Variants in CWF19L2 observed in about 807,000 individuals in gnomAD.
CWF19L2 encodes CWF19-like protein 2.
CWF19L2 carries 98 observed loss-of-function variants against 111.7 expected under a neutral mutation model. The observed-to-expected ratio is 0.88, with a 90% confidence interval of 0.75 to 1.04. CWF19L2 has a LOEUF of 1.04. Among genes scored for constraint, CWF19L2 ranks in the 50% least tolerant of loss-of-function variants. The probability of loss-of-function intolerance (pLI) is 0.00; values close to 1 mark genes in which losing one functional copy is unlikely to be tolerated. For synonymous variants in CWF19L2, 351 were observed against 342.9 expected, an observed-to-expected ratio of 1.02 and a Z score of -0.26; for missense variants, 1,101 against 1,051.4, an observed-to-expected ratio of 1.05 and a Z score of -0.65.
At chr11:107,394,667 A>G (rs565344) in intron 10 of CWF19L2, among the ~76,000 whole-genome samples, 81,760 of 151,868 alleles carry the variant, frequency 0.54, 23,077 homozygotes, top group African/African-American at 0.72. Context: ...CCTGCCTTGT[A>G]TAAGCTTATG....
intron 9 of CWF19L2, 110 bp downstream of exon 9, chr11:107,418,084 A>G: frequency 1.4e-6 from 1 of 728,198 alleles, no homozygotes; most frequent in East Asian, 2.6e-5. Flanking sequence ...AATAACCAAC[A>G]GTTATTTTCA....
chr11:107,429,513 C>T (rs1050666198), intron 7 of CWF19L2, 62 bp from the exon 8 acceptor site: 1 of 1,286,816 alleles, frequency 7.8e-7, no homozygotes, highest in Non-Finnish European at 1.1e-6. Context: ...GACTTGCACC[C>T]CACATGTCAC....
At chr11:107,422,215 C>T (rs1861312121) in intron 8 of CWF19L2, among the ~76,000 whole-genome samples, 1 of 152,032 alleles carries the variant, frequency 6.6e-6, no homozygotes, top group Admixed American at 6.6e-5. Flanking sequence ...CACTTATACA[C>T]AGATTTTTTT....
At chr11:107,361,871 G>C (rs1023042000) in intron 12 of CWF19L2, among the ~76,000 whole-genome samples, 6 of 152,222 alleles carry the variant, frequency 3.9e-5, no homozygotes, top group African/African-American at 1.4e-4. Flanking sequence ...AAGCGTGAGA[G>C]ACGCAGAAGA....
intron 12 of CWF19L2, among the ~76,000 whole-genome samples, chr11:107,361,818 G>T (rs1227971338): frequency 6.6e-6 from 1 of 152,184 alleles, no homozygotes; most frequent in African/African-American, 2.4e-5. Flanking sequence ...GTTGGGGGAG[G>T]AGCCAAGATG....
intron 12 of CWF19L2, among the ~76,000 whole-genome samples, chr11:107,358,343 TAAA>T (rs58922291): frequency 1.5e-4 from 20 of 131,570 alleles, no homozygotes; most frequent in East Asian, 6.5e-4. Context: ...ACTGATGAGC[TAAA>T]AAAAAAAAAA....
chr11:107,360,471 A>T (rs1211845037), intron 12 of CWF19L2, among the ~76,000 whole-genome samples: 1 of 152,124 alleles, frequency 6.6e-6, no homozygotes, highest in African/African-American at 2.4e-5. Context: ...TTTTATAATG[A>T]TTTATTTCCC....
At chr11:107,428,765 TCTTAA>T (rs754546689) in intron 8 of CWF19L2, 29 bp downstream of exon 8, 76 of 1,507,598 alleles carry the variant, frequency 5.0e-5, no homozygotes, top group Admixed American at 2.0e-5. Flanking sequence ...ACTCTCTGGA[TCTTAA>T]CTTATTAGGT....
intron 10 of CWF19L2, among the ~76,000 whole-genome samples, chr11:107,413,614 G>A (rs1309565029): frequency 2.0e-5 from 3 of 152,328 alleles, no homozygotes; most frequent in African/African-American, 7.2e-5. Context: ...AAGTGTGTAA[G>A]ATAGACTTCA....
intron 4 of CWF19L2, 130 bp downstream of exon 4, chr11:107,442,807 GGA>G (rs1565287401): frequency 0.023 from 9,007 of 396,438 alleles, 525 homozygotes; most frequent in Middle Eastern, 0.04. Context: ...AGGGAGGGAG[GGA>G]GGGAGGGAGG....
chr11:107,348,040 C>G (rs1447652402), intron 14 of CWF19L2, among the ~76,000 whole-genome samples: 1 of 151,864 alleles, frequency 6.6e-6, no homozygotes, highest in African/African-American at 2.4e-5. Flanking sequence ...ACTTTCACAT[C>G]AAAAAGACAT....
At position 107,439,035 on chromosome 11, in the gene CWF19L2, G is replaced by GAAAAAA. The variant is rs375132996; in HGVS notation, c.664+49_664+54dup. 836 of 290,626 alleles carry GAAAAAA rather than the reference G, an allele frequency of 2.9e-3. 1 individual carries two copies. The highest frequency in any genetic ancestry group is 4.0e-3 in the Middle Eastern group (4 of 1,002). 18.0% of individuals were successfully genotyped at this position (290,626 alleles called of 1,614,324 possible). On this transcript the variant is annotated intron_variant, in intron 6 of 17. Transcript: ENST00000282251. ...GGCTGACAGAGCGAGACTCTGTCTC[G>GAAAAAA]AAAAAAAAAAAAAAAAAAAAACCCT...
intron 12 of CWF19L2, among the ~76,000 whole-genome samples, chr11:107,372,938 G>C (rs1488889869): frequency 2.5e-5 from 3 of 120,392 alleles, no homozygotes; most frequent in Admixed American, 2.4e-4. Flanking sequence ...GCCGAAGCAG[G>C]GCAAGGCATT....
chr11:107,330,145 T>C (rs571845764), intron 16 of CWF19L2, 126 bp from the exon 17 acceptor site: 141 of 502,398 alleles, frequency 2.8e-4, no homozygotes, highest in Non-Finnish European at 4.2e-4. Flanking sequence ...ATAAAATGAA[T>C]TTCCAGTTCT....
At position 107,361,308 on chromosome 11, in the gene CWF19L2, T is replaced by G. The variant is rs12285417; in HGVS notation, c.1873-7572A>C. Among the ~76,000 whole-genome samples the G allele has an allele frequency of 4.3e-3, 659 of 152,378 alleles. 3 individuals are homozygous for G. The highest frequency in any genetic ancestry group is 0.014 in the African/African-American group (586 of 41,592). Reference sequence around the variant, plus strand: ...AATATTTCCTATTCTGTTCCATTGATCTGGCTGTCTATTGTTTACGTCAGT... The same window carrying G: ...AATATTTCCTATTCTGTTCCATTGAGCTGGCTGTCTATTGTTTACGTCAGT... On this transcript the variant is annotated intron_variant, in intron 12 of 17. Transcript: ENST00000282251.
rs537659436 is a variant in CWF19L2 at position 107,361,540 on chromosome 11, T to A, written c.1873-7804A>T. ...GCTGTTGGTATGTTGATAGAGATTA[T>A]AATCAACCTGTAGATTACTCTGGCC... On this transcript the variant is annotated intron_variant, in intron 12 of 17. Coordinates refer to ENST00000282251, the MANE Select transcript of CWF19L2 (RefSeq NM_152434.3). 1.7e-4 allele frequency among the ~76,000 whole-genome samples: 26 copies of A among 152,332 alleles called. No individual in the cohort carries two copies. The East Asian group carries it at 5.0e-3, about 29-fold the overall frequency.
intron 3 of CWF19L2, among the ~76,000 whole-genome samples, chr11:107,448,884 T>A (rs1861739384): frequency 6.6e-6 from 1 of 152,138 alleles, no homozygotes. Flanking sequence ...AATAAGTTTC[T>A]GTCATTTATA....
chr11:107,364,616 T>A lies in CWF19L2; in HGVS notation c.1873-10880A>T, dbSNP rs11493852. Among the ~76,000 whole-genome samples, 47 of 116,882 alleles carry A rather than the reference T, an allele frequency of 4.0e-4. 4 individuals are homozygous for A. Among genetic ancestry groups the A allele is most frequent in the African/African-American group, 1.8e-3 (43 of 23,492 alleles). The allele number at this position is 116,882 out of a possible 152,430, so 76.7% of individuals were successfully genotyped here. On this transcript the variant is annotated intron_variant, in intron 12 of 17. Coordinates refer to ENST00000282251, the MANE Select transcript of CWF19L2 (RefSeq NM_152434.3). ...TGAAAGCAGAAATAAAGATGTTCTT[T>A]GAAACCAACAAGAACAAAGACACAA...
chr11:107,436,579 T>C (rs909721119), intron 6 of CWF19L2, among the ~76,000 whole-genome samples: 11 of 152,208 alleles, frequency 7.2e-5, no homozygotes, highest in Admixed American at 2.0e-4. Flanking sequence ...ATCTCTAAGA[T>C]AAGGCAGCCA....
Sources: allele counts gnomAD v4.1 joint callset (sites outside exome capture counted in the v4.1 genomes callset), GRCh38; gene constraint gnomAD v4.1.1; transcripts MANE v1.5; gene names NCBI Gene and HGNC (gene_info 2026-07-23, HGNC 2026-07-21).